The following ANKRD6 variants were observed in gnomAD, a reference collection of about 807,000 sequenced individuals.
ANKRD6 encodes ankyrin repeat domain 6.
ANKRD6 carries 56 observed loss-of-function variants against 82.3 expected under a neutral mutation model. The observed-to-expected ratio is 0.68, with a 90% CI of 0.55 to 0.85. The LOEUF (loss-of-function observed/expected upper bound fraction) is 0.85. ANKRD6 is among the 40% of genes least tolerant of loss of function. The probability of loss-of-function intolerance (pLI) is 0.00; values close to 1 mark genes in which losing one functional copy is unlikely to be tolerated. For missense variants in ANKRD6, 852 were observed against 907.6 expected (o/e 0.94, Z 0.79); for synonymous variants, 347 against 352.1 (o/e 0.99, Z 0.16).
chr6:89,472,727 G>A (rs893694065), intron 1 of ANKRD6, among the ~76,000 whole-genome samples: 1 of 152,118 alleles, frequency 6.6e-6, no homozygotes, highest in African/African-American at 2.4e-5. Context: ...GGCCCACGTT[G>A]GAGTATCTGC....
chr6:89,447,898 G>T (rs1772307997), intron 1 of ANKRD6, among the ~76,000 whole-genome samples: 1 of 136,120 alleles, frequency 7.3e-6, no homozygotes, highest in African/African-American at 2.8e-5. Flanking sequence ...TGTTGGTCAG[G>T]CTGGTCTTGA....
chr6:89,495,934 G>T (rs1015185268), intron 1 of ANKRD6, among the ~76,000 whole-genome samples: 1 of 152,030 alleles, frequency 6.6e-6, no homozygotes, highest in Non-Finnish European at 1.5e-5. Context: ...ACATTCTCTT[G>T]TGTAGTAATT....
At chr6:89,445,125 C>A (rs903330443) in intron 1 of ANKRD6, among the ~76,000 whole-genome samples, 2 of 152,056 alleles carry the variant, frequency 1.3e-5, no homozygotes, top group African/African-American at 4.8e-5. Context: ...CTGTGTTGAG[C>A]GTCTATCAAT....
At chr6:89,528,066 C>T (rs1423693723) in intron 1 of ANKRD6, among the ~76,000 whole-genome samples, 1 of 152,150 alleles carries the variant, frequency 6.6e-6, no homozygotes, top group African/African-American at 2.4e-5. Context: ...CTGCCTTGGC[C>T]CCCCAAAGTG....
Position 89,627,637 on chromosome 6 carries a change from T to C in ANKRD6, c.1426T>C (p.Cys476Arg), listed in dbSNP as rs758826534. 1.2e-6 allele frequency: 2 copies of C among 1,613,398 alleles called. No homozygotes were observed. The highest frequency in any genetic ancestry group is 1.7e-6 in the Non-Finnish European group (2 of 1,179,636). The change falls in exon 14 of 16, where the codon TGC (cysteine) becomes CGC (arginine). Residue 476 changes from cysteine (C) to arginine (R), a missense_variant. Cys to Arg is a radical substitution (Grantham distance 180). Transcript: ENST00000339746. ...GCGACTTTCTGCAGAGAGGACGGAG[T>C]GCCTGAACCGCCTGCAACAGCACTC... ...VERLSAERTE[C>R]LNRLQQHSDT...
intron 15 of ANKRD6, among the ~76,000 whole-genome samples, chr6:89,629,972 A>C (rs554570987): frequency 6.6e-6 from 1 of 152,302 alleles, no homozygotes; most frequent in South Asian, 2.1e-4. Context: ...CTCCTTTCCA[A>C]ATTGGAGCTT....
chr6:89,502,677 C>T (rs539701498), intron 1 of ANKRD6, among the ~76,000 whole-genome samples: 9 of 152,264 alleles, frequency 5.9e-5, no homozygotes, highest in East Asian at 1.9e-4. Context: ...CCTTACCTGA[C>T]GGGACCCTTT....
Position 89,616,663 on chromosome 6 carries a change from T to C in ANKRD6, c.714+6T>C. On this transcript the variant is annotated splice_donor_region_variant and intron_variant, in intron 8 of 15. Transcript: ENST00000339746. The stretch of plus-strand genomic sequence containing the variant: ...ATACGACCATTGTTAACAATGTAAG[T>C]TGAGTTGCAACATTGCTTTCTAAAG... 1 of 1,613,800 alleles carries C rather than the reference T, an allele frequency of 6.2e-7. No individual in the cohort carries two copies. Among genetic ancestry groups the C allele is most frequent in the Non-Finnish European group, 8.5e-7 (1 of 1,179,666 alleles).
intron 1 of ANKRD6, among the ~76,000 whole-genome samples, chr6:89,537,460 T>C (rs1452930408): frequency 6.6e-6 from 1 of 152,178 alleles, no homozygotes; most frequent in East Asian, 1.9e-4. Context: ...TCAATTCAGA[T>C]GCTAAATGAG....
intron 1 of ANKRD6, among the ~76,000 whole-genome samples, chr6:89,511,606 G>A (rs539685284): frequency 6.6e-6 from 1 of 152,300 alleles, no homozygotes; most frequent in Admixed American, 6.5e-5. Flanking sequence ...ATGGGCATAT[G>A]AATAGTAATA....
At chr6:89,571,551 A>G (rs1789910558) in intron 2 of ANKRD6, among the ~76,000 whole-genome samples, 1 of 151,982 alleles carries the variant, frequency 6.6e-6, no homozygotes, top group Admixed American at 6.5e-5. Context: ...CTAGATATTA[A>G]TCCTTTATCA....
chr6:89,582,479 C>G (rs1209128905), intron 2 of ANKRD6, among the ~76,000 whole-genome samples: 1 of 152,204 alleles, frequency 6.6e-6, no homozygotes, highest in African/African-American at 2.4e-5. Flanking sequence ...GCATGAGCCA[C>G]CATGCCCAGC....
At chr6:89,550,506 A>G (rs1254908481) in intron 1 of ANKRD6, among the ~76,000 whole-genome samples, 1 of 152,194 alleles carries the variant, frequency 6.6e-6, no homozygotes, top group African/African-American at 2.4e-5. Context: ...AAACCAGGAC[A>G]GTGACTACTC....
intron 10 of ANKRD6, among the ~76,000 whole-genome samples, chr6:89,623,022 T>TGGG (rs1171985900): frequency 3.9e-5 from 2 of 51,318 alleles, no homozygotes; most frequent in South Asian, 6.8e-4. Context: ...GAGTGGGGGG[T>TGGG]GGGGGGGGCG....
chr6:89,608,017 C>A (rs1799234977), intron 5 of ANKRD6, among the ~76,000 whole-genome samples: 1 of 152,156 alleles, frequency 6.6e-6, no homozygotes, highest in South Asian at 2.1e-4. Flanking sequence ...GTGATCTGCC[C>A]ACCTCGGCCT....
intron 1 of ANKRD6, among the ~76,000 whole-genome samples, chr6:89,497,165 CA>C (rs1000985200): frequency 6.6e-6 from 1 of 152,146 alleles, no homozygotes; most frequent in Non-Finnish European, 1.5e-5. Context: ...AAAAAACAAA[CA>C]AAAAATTACT....
chr6:89,503,252 C>T lies in ANKRD6; in HGVS notation c.-143-63582C>T, dbSNP rs563837014. 1.1e-4 allele frequency among the ~76,000 whole-genome samples: 16 copies of T among 152,296 alleles called. 1 individual carries two copies. In the South Asian group the frequency reaches 2.9e-3, roughly 28 times the overall value. On this transcript the variant is annotated intron_variant, in intron 1 of 15. Coordinates refer to ENST00000339746, the MANE Select transcript of ANKRD6 (RefSeq NM_001242809.2). ...ATTGAAAGAGAAAGACGAGAGTCCTCAGAAATGGGGTCCCACTGCTTCTAA... is the reference window on the plus strand; with the variant it reads ...ATTGAAAGAGAAAGACGAGAGTCCTTAGAAATGGGGTCCCACTGCTTCTAA...
intron 1 of ANKRD6, among the ~76,000 whole-genome samples, chr6:89,471,362 A>C (rs1302868296): frequency 3.3e-3 from 482 of 147,358 alleles, no homozygotes; most frequent in Non-Finnish European, 4.1e-3. Flanking sequence ...ACAACAACAA[A>C]AAAAAAAAAA....
Position 89,631,668 on chromosome 6 carries a change from G to A in ANKRD6, c.*664G>A, listed in dbSNP as rs904222325. On this transcript the variant is annotated 3_prime_UTR_variant, in exon 16 of 16. Coordinates refer to ENST00000339746, the MANE Select transcript of ANKRD6 (RefSeq NM_001242809.2). ...TGGCTAACAGCTCTGGAAACAATGA[G>A]ATCAAATGAGAAAGATTCAAATTGT... The A allele has an allele frequency of 6.6e-6, 1 of 152,100 alleles. No individual in the cohort carries two copies. Among genetic ancestry groups the A allele is most frequent in the Non-Finnish European group, 1.5e-5 (1 of 68,024 alleles). The allele number at this position is 152,100 out of a possible 1,614,324, so 9.4% of individuals were successfully genotyped here.
Sources: allele counts gnomAD v4.1 joint callset (sites outside exome capture counted in the v4.1 genomes callset), GRCh38; gene constraint gnomAD v4.1.1; transcripts MANE v1.5; gene names NCBI Gene and HGNC (gene_info 2026-07-23, HGNC 2026-07-21).